NARS2: variants seen among roughly 807,000 people sequenced by gnomAD.
NARS2 encodes the protein asparaginyl-tRNA synthetase.
In NARS2, 60 loss-of-function variants were observed where a neutral mutation model predicts 62.9. The ratio of observed to expected loss-of-function variants is 0.95; its 90% CI spans 0.77 to 1.18. The LOEUF (loss-of-function observed/expected upper bound fraction) is 1.18. Among genes scored for constraint, NARS2 ranks in the 50% most tolerant of loss-of-function variants. NARS2 has a pLI of 0.00. For synonymous variants in NARS2, 196 were observed against 200.0 expected, an observed-to-expected ratio of 0.98 and a Z score of 0.17; for missense variants, 619 against 576.4, an observed-to-expected ratio of 1.07 and a Z score of -0.76.
rs118155313 is a variant in NARS2 at position 78,481,473 on chromosome 11, G to A, written c.823-2790C>T. ...GTGGATTAGATGATATGCCTGCACT[G>A]TTGAGGGACACAGTACACCCATTTG... On this transcript the variant is annotated intron_variant, in intron 7 of 13. Transcript: ENST00000281038. Among the ~76,000 whole-genome samples the A allele has an allele frequency of 9.8e-3, 1,495 of 152,274 alleles. 12 individuals carry two copies. Among genetic ancestry groups the A allele is most frequent in the South Asian group, 0.028 (135 of 4,816 alleles).
At chr11:78,519,293 C>CA (rs1861025375) in intron 6 of NARS2, among the ~76,000 whole-genome samples, 1 of 152,102 alleles carries the variant, frequency 6.6e-6, no homozygotes, top group Non-Finnish European at 1.5e-5. Context: ...GTACCAATCA[C>CA]AAACTAATCA....
chr11:78,497,813 AT>A (rs1860125210), intron 6 of NARS2, among the ~76,000 whole-genome samples: 1 of 152,146 alleles, frequency 6.6e-6, no homozygotes, highest in South Asian at 2.1e-4. Context: ...AGCCTTCACC[AT>A]TTCAACAATC....
At chr11:78,518,039 C>T (rs1356417363) in intron 6 of NARS2, among the ~76,000 whole-genome samples, 2 of 152,158 alleles carry the variant, frequency 1.3e-5, no homozygotes, top group Non-Finnish European at 2.9e-5. Flanking sequence ...GTGGGCTCAA[C>T]ACTATAGTAC....
At chr11:78,441,244 A>C (rs1265960714) in intron 12 of NARS2, 127 bp from the exon 13 acceptor site, 2 of 749,156 alleles carry the variant, frequency 2.7e-6, no homozygotes. Context: ...CTCTGCTCTC[A>C]AGTAATACTC....
chr11:78,497,238 A>C (rs1860095665), intron 6 of NARS2, among the ~76,000 whole-genome samples: 1 of 89,944 alleles, frequency 1.1e-5, no homozygotes, highest in Non-Finnish European at 2.6e-5. Context: ...AAAAAGCAAA[A>C]TTGAAAAAAA....
At chr11:78,499,537 A>C (rs1243018226) in intron 6 of NARS2, among the ~76,000 whole-genome samples, 1 of 152,264 alleles carries the variant, frequency 6.6e-6, no homozygotes, top group Non-Finnish European at 1.5e-5. Context: ...CTGCGAAATA[A>C]TAGTTCACAG....
intron 6 of NARS2, among the ~76,000 whole-genome samples, chr11:78,509,352 A>C (rs566897954): frequency 9.2e-5 from 14 of 152,306 alleles, no homozygotes; most frequent in African/African-American, 3.1e-4. Flanking sequence ...GCCGGGTGAA[A>C]TGAAAGTACA....
At chr11:78,543,603 G>A (rs1319355171) in intron 5 of NARS2, among the ~76,000 whole-genome samples, 2 of 152,090 alleles carry the variant, frequency 1.3e-5, no homozygotes, top group Non-Finnish European at 2.9e-5. Flanking sequence ...TATATTAAAA[G>A]TTCAAAAGTC....
chr11:78,558,058 T>C (rs1856428370), intron 5 of NARS2, among the ~76,000 whole-genome samples: 1 of 152,078 alleles, frequency 6.6e-6, no homozygotes. Flanking sequence ...GACTAAGGGA[T>C]TTAGAAATGT....
chr11:78,537,722 C>T (rs945523148), intron 5 of NARS2, among the ~76,000 whole-genome samples: 2 of 152,166 alleles, frequency 1.3e-5, no homozygotes, highest in African/African-American at 4.8e-5. Context: ...TGCTTGAGCA[C>T]AGAAGTTCAA....
rs1048517460 is a variant in NARS2 at position 78,558,422 on chromosome 11, C to A, written c.594+1117G>T. On this transcript the variant is annotated intron_variant, in intron 5 of 13. Coordinates refer to ENST00000281038, the MANE Select transcript of NARS2 (RefSeq NM_024678.6). ...CACCATTATTAAGAGTCAAAAAGCA[C>A]TGAACCGGAGAAAGCAGTTACATAC... 5.3e-5 allele frequency: 8 copies of A among 152,292 alleles called. No homozygotes were observed. In the East Asian group the frequency reaches 1.4e-3, roughly 26 times the overall value. The allele number at this position is 152,292 out of a possible 1,614,324, so 9.4% of individuals were successfully genotyped here.
At chr11:78,458,842 A>T (rs1284083165) in intron 11 of NARS2, among the ~76,000 whole-genome samples, 1 of 152,064 alleles carries the variant, frequency 6.6e-6, no homozygotes, top group Admixed American at 6.5e-5. Context: ...GAGATAACTG[A>T]ATCATGGGGA....
chr11:78,508,090 T>A (rs1262371966), intron 6 of NARS2, among the ~76,000 whole-genome samples: 1 of 152,024 alleles, frequency 6.6e-6, no homozygotes, highest in Admixed American at 6.5e-5. Flanking sequence ...AAAAGTATAA[T>A]TGAAATGAAA....
chr11:78,484,598 T>C (rs994283829), intron 7 of NARS2, among the ~76,000 whole-genome samples: 7 of 151,954 alleles, frequency 4.6e-5, no homozygotes, highest in Admixed American at 3.9e-4. Flanking sequence ...CAGACACTTC[T>C]TAAAAATTTA....
At chr11:78,454,112 CT>C (rs1366712040) in intron 11 of NARS2, among the ~76,000 whole-genome samples, 1 of 151,410 alleles carries the variant, frequency 6.6e-6, no homozygotes, top group African/African-American at 2.5e-5. Flanking sequence ...TTATGAGTTC[CT>C]CCACTTGAGA....
At position 78,558,876 on chromosome 11, in the gene NARS2, G is replaced by A. The variant is rs1368267653; in HGVS notation, c.594+663C>T. Among the ~76,000 whole-genome samples, 9 of 152,140 alleles carry A rather than the reference G, an allele frequency of 5.9e-5. No individual in the cohort carries two copies. In the East Asian group the frequency reaches 1.7e-3, roughly 29 times the overall value. ...TATTTTTATTTATATTTTAAAATAT[G>A]ACTTACGTCCACAAATATTAACTGT... On this transcript the variant is annotated intron_variant, in intron 5 of 13. Coordinates refer to ENST00000281038, the MANE Select transcript of NARS2 (RefSeq NM_024678.6).
chr11:78,443,545 T>C lies in NARS2; in HGVS notation c.1262+116A>G, dbSNP rs192391160. 3.2e-4 allele frequency: 181 copies of C among 566,984 alleles called. No homozygotes were observed. The Middle Eastern group carries it at 4.7e-3, about 15-fold the overall frequency. The allele number at this position is 566,984 out of a possible 1,614,324, so 35.1% of individuals were successfully genotyped here. ...GCTCAAGGACATAGAGAATCTGAGA[T>C]CCAGTTCTGTCAGGCGCCGAGGCCC... On this transcript the variant is annotated intron_variant, in intron 12 of 13. Transcript: ENST00000281038.
chr11:78,518,618 C>A (rs1025123112), intron 6 of NARS2, among the ~76,000 whole-genome samples: 1 of 152,028 alleles, frequency 6.6e-6, no homozygotes, highest in Non-Finnish European at 1.5e-5. Context: ...CCTGGGTTCA[C>A]GCCATTCTCC....
At chr11:78,561,512 A>C (rs576404846) in intron 4 of NARS2, among the ~76,000 whole-genome samples, 1 of 152,228 alleles carries the variant, frequency 6.6e-6, no homozygotes, top group Non-Finnish European at 1.5e-5. Context: ...ATCACCTCCA[A>C]GTATTTAAAT....
Sources: gnomAD v4.1 joint callset for allele counts (sites outside exome capture counted in the v4.1 genomes callset) on GRCh38, gnomAD v4.1.1 for gene constraint, MANE v1.5 for transcripts, NCBI Gene and HGNC (gene_info 2026-07-23, HGNC 2026-07-21) for gene names.